The following CENPP variants were observed in gnomAD, a reference collection of about 807,000 sequenced individuals.
The protein encoded by CENPP is centromere protein P.
CENPP carries 24 observed loss-of-function variants against 35.6 expected under a neutral mutation model. The observed-to-expected ratio is 0.67, with a 90% confidence interval of 0.49 to 0.95. The LOEUF (loss-of-function observed/expected upper bound fraction) is 0.95. Among genes scored for constraint, CENPP ranks in the 40% least tolerant of loss-of-function variants. The pLI, the probability that CENPP is intolerant of heterozygous loss-of-function variation, is 0.00. For synonymous variants in CENPP, 120 were observed against 125.5 expected, an observed-to-expected ratio of 0.96 and a Z score of 0.29; for missense variants, 332 against 345.3, an observed-to-expected ratio of 0.96 and a Z score of 0.31.
chr9:92,337,773 G>A, intron 3 of CENPP, 144 bp downstream of exon 3: 1 of 654,320 alleles, frequency 1.5e-6, no homozygotes, highest in Non-Finnish European at 2.8e-6. Flanking sequence ...TGTGCAAAGT[G>A]GTACATTTTC....
chr9:92,505,659 T>A (rs777186063), intron 5 of CENPP: 1 of 1,605,252 alleles, frequency 6.2e-7, no homozygotes, highest in Non-Finnish European at 8.5e-7. Flanking sequence ...GATTGTTTCC[T>A]TCCAATTCTA....
intron 5 of CENPP, among the ~76,000 whole-genome samples, chr9:92,485,203 C>G (rs1286397111): frequency 1.3e-5 from 2 of 152,198 alleles, no homozygotes; most frequent in East Asian, 1.9e-4. Flanking sequence ...ACCTCTTCTT[C>G]CCTCAAGTAT....
chr9:92,596,207 C>T (rs773892367), intron 5 of CENPP, among the ~76,000 whole-genome samples: 1 of 152,042 alleles, frequency 6.6e-6, no homozygotes, highest in Non-Finnish European at 1.5e-5. Context: ...GATTCTAGCT[C>T]ACTGTAGCCC....
At chr9:92,592,966 G>A (rs1850700947) in intron 5 of CENPP, among the ~76,000 whole-genome samples, 2 of 152,224 alleles carry the variant, frequency 1.3e-5, no homozygotes, top group Non-Finnish European at 1.5e-5. Flanking sequence ...CCCAACCTAA[G>A]TTGGCTTAAA....
chr9:92,567,525 A>G (rs532903169), intron 5 of CENPP, among the ~76,000 whole-genome samples: 45 of 151,730 alleles, frequency 3.0e-4, no homozygotes, highest in African/African-American at 1.0e-3. Flanking sequence ...ATTAACTATA[A>G]TCATCCTACA....
At chr9:92,576,533 A>C (rs1489165139) in intron 5 of CENPP, among the ~76,000 whole-genome samples, 1 of 152,218 alleles carries the variant, frequency 6.6e-6, no homozygotes, top group African/African-American at 2.4e-5. Flanking sequence ...AATAATTTTT[A>C]AAAATCATAA....
In CENPP at chr9:92,618,474, C is replaced by T. The variant is rs1322136487; in HGVS notation, c.*5325C>T. 4.4e-6 allele frequency: 2 copies of T among 456,676 alleles called. No individual in the cohort carries two copies. Among genetic ancestry groups the T allele is most frequent in the Non-Finnish European group, 8.8e-6 (2 of 226,966 alleles). 28.3% of individuals were successfully genotyped at this position (456,676 alleles called of 1,614,324 possible). On this transcript the variant is annotated 3_prime_UTR_variant, in exon 8 of 8. Transcript: ENST00000375587. ...TCCTTCAGCGGCCTTTCACAGCCCA[C>T]CTAAGGGCACCCTGCATCCAAGCAC...
At chr9:92,369,725 G>T (rs946014023) in intron 4 of CENPP, among the ~76,000 whole-genome samples, 12 of 152,290 alleles carry the variant, frequency 7.9e-5, no homozygotes, top group Non-Finnish European at 1.8e-4. Flanking sequence ...AAATCTAAGA[G>T]TTTCTTGGTA....
intron 5 of CENPP, among the ~76,000 whole-genome samples, chr9:92,397,265 G>T (rs1842928995): frequency 6.6e-6 from 1 of 152,086 alleles, no homozygotes; most frequent in South Asian, 2.1e-4. Context: ...AACTAACCTT[G>T]CATTTTTCCT....
chr9:92,619,293 C>G lies in CENPP; in HGVS notation c.*6144C>G, dbSNP rs1402028694. 1.2e-5 allele frequency: 7 copies of G among 569,966 alleles called. No individual in the cohort carries two copies. Among genetic ancestry groups the G allele is most frequent in the Non-Finnish European group, 2.2e-5 (7 of 316,982 alleles). 35.3% of individuals were successfully genotyped at this position (569,966 alleles called of 1,614,324 possible). On this transcript the variant is annotated 3_prime_UTR_variant, in exon 8 of 8. Coordinates refer to ENST00000375587, the MANE Select transcript of CENPP (RefSeq NM_001012267.3). ...TTTAAGTTATTCTCCATAAATCTGT[C>G]TTTTGACTGAATTACAAGCTTCTAG...
intron 4 of CENPP, among the ~76,000 whole-genome samples, chr9:92,372,099 C>CTTTT (rs71362382): frequency 0.017 from 524 of 30,704 alleles, 33 homozygotes; most frequent in Middle Eastern, 0.1. Flanking sequence ...TGCCAGCCAT[C>CTTTT]TTTTTTTTTT....
Position 92,612,883 on chromosome 9 carries a change from C to G in CENPP, c.737-136C>G, listed in dbSNP as rs1260337259. The G allele has an allele frequency of 2.8e-6, 3 of 1,055,756 alleles. No individual in the cohort carries two copies. In the Admixed American group the frequency reaches 6.5e-5, roughly 23 times the overall value. 65.4% of individuals were successfully genotyped at this position (1,055,756 alleles called of 1,614,324 possible). ...CCTCCACTCACTCCATCTCCTCGCC[C>G]GCCACTAGCATGTCCCATCCCATGC... On this transcript the variant is annotated intron_variant, in intron 7 of 7. Transcript: ENST00000375587.
chr9:92,547,466 T>C (rs1849494418), intron 5 of CENPP, among the ~76,000 whole-genome samples: 1 of 152,234 alleles, frequency 6.6e-6, no homozygotes, highest in South Asian at 2.1e-4. Context: ...GAATATTATT[T>C]GGTAATAAAA....
intron 5 of CENPP, among the ~76,000 whole-genome samples, chr9:92,535,596 C>T (rs1849119557): frequency 6.6e-6 from 1 of 152,022 alleles, no homozygotes; most frequent in Non-Finnish European, 1.5e-5. Flanking sequence ...TCTATTTTCA[C>T]TTCATTCAAC....
At chr9:92,577,742 G>T (rs1358182537) in intron 5 of CENPP, among the ~76,000 whole-genome samples, 3 of 152,102 alleles carry the variant, frequency 2.0e-5, no homozygotes, top group Non-Finnish European at 4.4e-5. Context: ...TTGAGCCCAG[G>T]AGTTCAAGTC....
At chr9:92,326,276 G>A (rs1363125558) in intron 1 of CENPP, among the ~76,000 whole-genome samples, 171 bp downstream of exon 1, 1 of 152,224 alleles carries the variant, frequency 6.6e-6, no homozygotes, top group African/African-American at 2.4e-5. Context: ...CGCGTACGGC[G>A]CCCAGCTGTA....
intron 5 of CENPP, among the ~76,000 whole-genome samples, chr9:92,507,923 A>C (rs995682524): frequency 2.6e-5 from 4 of 151,508 alleles, no homozygotes; most frequent in African/African-American, 9.7e-5. Flanking sequence ...CTTGCCTTTC[A>C]CCTTCACCGT....
chr9:92,543,210 A>G (rs368039790), intron 5 of CENPP, among the ~76,000 whole-genome samples: 1 of 152,156 alleles, frequency 6.6e-6, no homozygotes, highest in Non-Finnish European at 1.5e-5. Flanking sequence ...CGTGGCTCAC[A>G]CCTGTAATCC....
At chr9:92,348,281 TTATC>T (rs1841352564) in intron 4 of CENPP, among the ~76,000 whole-genome samples, 2 of 151,884 alleles carry the variant, frequency 1.3e-5, no homozygotes, top group African/African-American at 4.8e-5. Flanking sequence ...TTTTGTATAT[TTATC>T]TTCATTTTTT....
Sources: gnomAD v4.1 joint callset for allele counts (sites outside exome capture counted in the v4.1 genomes callset) on GRCh38, gnomAD v4.1.1 for gene constraint, MANE v1.5 for transcripts, NCBI Gene and HGNC (gene_info 2026-07-23, HGNC 2026-07-21) for gene names.